The following CAMTA1 variants were observed in gnomAD, a reference collection of about 807,000 sequenced individuals.
CAMTA1 encodes the protein calmodulin binding transcription activator 1.
A neutral mutation model predicts 170.9 loss-of-function variants in CAMTA1; 27 were observed. The observed-to-expected ratio is 0.16, with a 90% confidence interval of 0.12 to 0.22. The LOEUF (loss-of-function observed/expected upper bound fraction) is 0.22, where lower values mean the gene tolerates loss of function less well. Ranked by LOEUF, CAMTA1 falls within the 10% of genes least tolerant of loss-of-function variation. The pLI is 1.00. For synonymous variants in CAMTA1, 833 were observed against 891.5 expected (o/e 0.93, Z 1.17); for missense variants, 1,619 against 2,217.2 (o/e 0.73, Z 5.42).
intron 11 of CAMTA1, among the ~76,000 whole-genome samples, chr1:7,712,598 C>A (rs2096579046): frequency 6.6e-6 from 1 of 152,128 alleles, no homozygotes. Context: ...GGATTACATG[C>A]CAGAGCCACC....
At chr1:7,584,362 G>A (rs1393970673) in intron 6 of CAMTA1, among the ~76,000 whole-genome samples, 1 of 152,032 alleles carries the variant, frequency 6.6e-6, no homozygotes, top group Non-Finnish European at 1.5e-5. Context: ...GAACTGTCTC[G>A]CTCGGATTAG....
intron 3 of CAMTA1, among the ~76,000 whole-genome samples, chr1:6,880,753 GA>G (rs1036243615): frequency 6.6e-6 from 1 of 152,052 alleles, no homozygotes; most frequent in Non-Finnish European, 1.5e-5. Flanking sequence ...GAGGGGAGTG[GA>G]GTGTTCTGCC....
chr1:7,595,756 T>G (rs1009197120), intron 6 of CAMTA1, among the ~76,000 whole-genome samples: 1 of 152,212 alleles, frequency 6.6e-6, no homozygotes, highest in Non-Finnish European at 1.5e-5. Context: ...GCAAAAGGCT[T>G]GCCTGAGGTT....
intron 4 of CAMTA1, among the ~76,000 whole-genome samples, chr1:7,242,657 G>A (rs1255251048): frequency 1.3e-5 from 2 of 152,192 alleles, no homozygotes; most frequent in East Asian, 1.9e-4. Flanking sequence ...AGCCAGGCGT[G>A]GTGGCTCACG....
chr1:7,763,309 A>G (rs1000682769), intron 22 of CAMTA1, among the ~76,000 whole-genome samples: 1 of 152,132 alleles, frequency 6.6e-6, no homozygotes, highest in Non-Finnish European at 1.5e-5. Flanking sequence ...GTGCCATTTA[A>G]GTCATTTTGA....
rs959235070 is a variant in CAMTA1 at position 7,327,212 on chromosome 1, C to T, written c.438+77586C>T. On this transcript the variant is annotated intron_variant, in intron 5 of 22. Transcript: ENST00000303635. ...CAGGCGGATCACGAGGTCAGGAGAT[C>T]GAGACCACGGTGAAACCCTGTCTCT... Among the ~76,000 whole-genome samples, 78 of 151,388 alleles carry T rather than the reference C, an allele frequency of 5.2e-4. 1 individual carries two copies. The highest frequency in any genetic ancestry group is 3.1e-4 in the Non-Finnish European group (21 of 67,846).
At chr1:6,973,568 A>G (rs78650207) in intron 3 of CAMTA1, among the ~76,000 whole-genome samples, 1,640 of 152,310 alleles carry the variant, frequency 0.011, 29 homozygotes, top group African/African-American at 0.036. Context: ...GCTTTTGTGA[A>G]TAGTGCTGCA....
chr1:7,512,249 G>T (rs909541453), intron 6 of CAMTA1, among the ~76,000 whole-genome samples: 5 of 152,204 alleles, frequency 3.3e-5, no homozygotes, highest in Admixed American at 2.6e-4. Context: ...CAAGGAGATG[G>T]CCCCAAACGA....
chr1:7,751,334 A>C lies in CAMTA1; in HGVS notation c.4825A>C (p.Lys1609Gln). Residue 1609 changes from lysine to glutamine, a missense_variant, in exon 20 of 23, where the codon AAA becomes CAA. Lys to Gln is a moderately conservative substitution (Grantham distance 53). Around this residue, in one of 8 missense-constraint regions of CAMTA1, gnomAD observed 128 missense variants for 213.5 expected, o/e 0.60. Transcript: ENST00000303635. ...CCAAAAGTACTACCGAAGTTATAAG[A>C]AATGTGGCAAAAGACGGCAGGCTCG... ...LIQKYYRSYK[K>Q]CGKRRQARRT... 2 of 1,611,310 alleles carry C rather than the reference A, an allele frequency of 1.2e-6. No homozygotes were observed. Among genetic ancestry groups the C allele is most frequent in the African/African-American group, 1.3e-5 (1 of 74,774 alleles).
At chr1:7,762,991 G>A (rs997568963) in intron 22 of CAMTA1, among the ~76,000 whole-genome samples, 6 of 152,176 alleles carry the variant, frequency 3.9e-5, no homozygotes, top group African/African-American at 9.7e-5. Flanking sequence ...AAATACTTCT[G>A]TGTTATCCTG....
At chr1:6,885,873 T>C (rs1050206846) in intron 3 of CAMTA1, among the ~76,000 whole-genome samples, 1 of 152,166 alleles carries the variant, frequency 6.6e-6, no homozygotes, top group African/African-American at 2.4e-5. Context: ...GCACGAGTCC[T>C]TCCCCTGGAG....
At chr1:7,702,092 G>A (rs1445050833) in intron 11 of CAMTA1, among the ~76,000 whole-genome samples, 3 of 152,028 alleles carry the variant, frequency 2.0e-5, no homozygotes, top group East Asian at 1.9e-4. Flanking sequence ...GGAGAAGAAC[G>A]AGCCCAGCCG....
At chr1:7,282,088 C>T (rs1671603615) in intron 5 of CAMTA1, among the ~76,000 whole-genome samples, 1 of 152,116 alleles carries the variant, frequency 6.6e-6, no homozygotes, top group Non-Finnish European at 1.5e-5. Context: ...GAGATGATCA[C>T]TCCACCTTCT....
chr1:6,983,744 G>A (rs1020427338), intron 3 of CAMTA1, among the ~76,000 whole-genome samples: 1 of 151,744 alleles, frequency 6.6e-6, no homozygotes, highest in Non-Finnish European at 1.5e-5. Flanking sequence ...ATGGGTGGGT[G>A]GATAGAGGGT....
intron 3 of CAMTA1, among the ~76,000 whole-genome samples, chr1:7,022,367 C>T (rs765862477): frequency 2.0e-5 from 3 of 151,962 alleles, no homozygotes; most frequent in Admixed American, 6.6e-5. Flanking sequence ...ATGACTCTGC[C>T]GTGGGTATTG....
At chr1:7,637,400 G>T (rs1283387794) in intron 6 of CAMTA1, among the ~76,000 whole-genome samples, 1 of 152,220 alleles carries the variant, frequency 6.6e-6, no homozygotes, top group Non-Finnish European at 1.5e-5. Flanking sequence ...TCAGCAGCTG[G>T]CATTGCTGCC....
chr1:7,444,285 C>T (rs924919827), intron 5 of CAMTA1, among the ~76,000 whole-genome samples: 1 of 152,200 alleles, frequency 6.6e-6, no homozygotes, highest in African/African-American at 2.4e-5. Flanking sequence ...GCCCTGGGCC[C>T]CAGGATCATT....
chr1:7,178,011 C>T (rs1203394763), intron 4 of CAMTA1, among the ~76,000 whole-genome samples: 2 of 151,802 alleles, frequency 1.3e-5, no homozygotes, highest in Non-Finnish European at 2.9e-5. Flanking sequence ...CACACTGAGC[C>T]ACTTCCCAAG....
rs766107867 is a variant in CAMTA1, at chr1:7,736,510, C to G, written c.3233C>G (p.Ala1078Gly). 6.2e-7 allele frequency: 1 copy of G among 1,614,170 alleles called. No homozygotes were observed. The highest frequency in any genetic ancestry group is 8.5e-7 in the Non-Finnish European group (1 of 1,180,016). Reference protein sequence around the residue: ...LLHLAAAQGYATLIQTLIKWR... With the variant: ...LLHLAAAQGYGTLIQTLIKWR... ...CACCTGGCCGCTGCCCAGGGCTATG[C>G]CACCCTAATCCAGACCCTCATCAAA... The change falls in exon 13 of 23, where the codon GCC becomes GGC. Residue 1078 changes from alanine (A) to glycine (G), a missense_variant. Ala to Gly is a moderately conservative substitution (Grantham distance 60). This residue lies in a region of CAMTA1 where 60 missense variants were observed against 128.5 expected (regional missense o/e 0.47). Coordinates refer to ENST00000303635, the MANE Select transcript of CAMTA1 (RefSeq NM_015215.4). This position sits in a 1 kb window ranked among gnomAD's most constrained non-coding sequence, Gnocchi z 4.5.
Sources: allele counts gnomAD v4.1 joint callset (sites outside exome capture counted in the v4.1 genomes callset), GRCh38; gene constraint gnomAD v4.1.1; regional missense constraint gnomAD v4.1.1; non-coding constraint Gnocchi (gnomAD v3.1); transcripts MANE v1.5; gene names NCBI Gene and HGNC (gene_info 2026-07-23, HGNC 2026-07-21).